CFAP97: variants seen among roughly 807,000 people sequenced by gnomAD.
CFAP97 encodes cilia- and flagella-associated protein 97.
A neutral mutation model predicts 43.1 loss-of-function variants in CFAP97; 36 were observed. That is an observed-to-expected ratio of 0.84 (90% CI 0.64 to 1.10). The LOEUF (loss-of-function observed/expected upper bound fraction) is 1.10. Ranked by LOEUF, CFAP97 falls within the 50% of genes least tolerant of loss-of-function variation. CFAP97 has a pLI of 0.00. For synonymous variants in CFAP97, 228 were observed against 225.7 expected (o/e 1.01, Z -0.09); for missense variants, 657 against 620.3 (o/e 1.06, Z -0.63).
chr4:185,183,912 T>C (rs989263292), intron 2 of CFAP97, among the ~76,000 whole-genome samples: 1 of 152,232 alleles, frequency 6.6e-6, no homozygotes, highest in Non-Finnish European at 1.5e-5. Context: ...CTGTGTTAAA[T>C]GCTTTTTAAC....
chr4:185,192,223 A>G (rs1169080727), intron 1 of CFAP97, among the ~76,000 whole-genome samples: 2 of 152,244 alleles, frequency 1.3e-5, no homozygotes, highest in African/African-American at 4.8e-5. Context: ...GAACTTCTGA[A>G]TATGTAATCA....
upstream of CFAP97, among the ~76,000 whole-genome samples, chr4:185,206,721 A>C (rs1737205928): frequency 6.6e-6 from 1 of 151,966 alleles, no homozygotes; most frequent in Non-Finnish European, 1.5e-5. Flanking sequence ...GAAAGACAGA[A>C]CCAAAAGGAT....
upstream of CFAP97, among the ~76,000 whole-genome samples, chr4:185,204,809 G>T (rs185694257): frequency 8.8e-4 from 134 of 152,344 alleles, 1 homozygote; most frequent in Admixed American, 3.9e-3. Context: ...GCCAAGGAGT[G>T]CAGGTAGAAG....
chr4:185,190,465 G>A lies in CFAP97; in HGVS notation c.732C>T (p.Tyr244=). The change falls in exon 2 of 5, where the codon TAC becomes TAT. Residue 244 remains tyrosine (Y), a synonymous_variant. Transcript: ENST00000458385. ...PSSTTPKCGH[Y]PEESEDTVTD... is the part of the protein sequence containing the mutation. ...TCACAGTATCTTCAGACTCCTCAGG[G>A]TAGTGGCCACATTTTGGTGTAGTAC... 1.2e-6 allele frequency: 2 copies of A among 1,613,860 alleles called. No homozygotes were observed. The highest frequency in any genetic ancestry group is 1.7e-6 in the Non-Finnish European group (2 of 1,179,846).
At chr4:185,209,978 C>T (rs1737476337), upstream of CFAP97, 2 of 983,476 alleles carry the variant, frequency 2.0e-6, no homozygotes, top group African/African-American at 3.5e-5. The surrounding 1 kb of genome is among the most constrained non-coding windows in gnomAD (Gnocchi z 5.2). Context: ...GCGCCGGGGG[C>T]CCCGGGCGGC....
rs150850206 is a variant in CFAP97 at position 185,162,641 on chromosome 4, C to G, written c.*157G>C. On this transcript the variant is annotated 3_prime_UTR_variant, in exon 5 of 5. Transcript: ENST00000458385. Reference sequence around the variant, plus strand: ...CTTTTTACATTAAATCGTTTTTTGACAATAATTTTGCACTGAATAACAATA... The same window carrying G: ...CTTTTTACATTAAATCGTTTTTTGAGAATAATTTTGCACTGAATAACAATA... The G allele has an allele frequency of 1.6e-5, 12 of 748,444 alleles. No homozygotes were observed. In the Admixed American group the frequency reaches 2.5e-4, roughly 16 times the overall value. The allele number at this position is 748,444 out of a possible 1,614,324, so 46.4% of individuals were successfully genotyped here. A position where few individuals can be genotyped will look rare whatever the true frequency, so the allele number is the denominator to read the frequency against.
chr4:185,183,174 A>C (rs1735870461), intron 2 of CFAP97, among the ~76,000 whole-genome samples: 1 of 152,162 alleles, frequency 6.6e-6, no homozygotes. Context: ...TCATTATCTG[A>C]ACTCTCACCT....
chr4:185,185,411 T>C (rs898369065), intron 2 of CFAP97, among the ~76,000 whole-genome samples: 21 of 152,340 alleles, frequency 1.4e-4, no homozygotes, highest in African/African-American at 4.6e-4. Context: ...AATTTTTGCA[T>C]TACAAATATA....
At chr4:185,197,102 TAAA>T (rs60986571) in intron 1 of CFAP97, among the ~76,000 whole-genome samples, 1 of 86,790 alleles carries the variant, frequency 1.2e-5, no homozygotes, top group African/African-American at 4.8e-5. Flanking sequence ...CCCTCTTAAT[TAAA>T]AAAAAAAAAA....
chr4:185,199,818 A>T (rs1336304737), intron 1 of CFAP97, among the ~76,000 whole-genome samples: 1 of 142,006 alleles, frequency 7.0e-6, no homozygotes, highest in African/African-American at 2.6e-5. Flanking sequence ...CACTGTTGAG[A>T]TCGACTGCTC....
chr4:185,178,217 T>C (rs1735631285), intron 2 of CFAP97, among the ~76,000 whole-genome samples: 1 of 150,274 alleles, frequency 6.7e-6, no homozygotes, highest in South Asian at 2.1e-4. Context: ...AATAGTAAGC[T>C]ATTTTCCCCT....
intron 3 of CFAP97, among the ~76,000 whole-genome samples, chr4:185,173,789 C>T (rs931018471): frequency 2.0e-5 from 3 of 152,024 alleles, no homozygotes; most frequent in African/African-American, 4.8e-5. Context: ...GTGATGAAAA[C>T]GTTTTAGAAA....
At chr4:185,210,015 G>T (rs1303856706), upstream of CFAP97, 9 of 983,830 alleles carry the variant, frequency 9.1e-6, no homozygotes, top group Admixed American at 2.5e-4. The surrounding 1 kb of genome is among the most constrained non-coding windows in gnomAD (Gnocchi z 4.4). Context: ...CCGTGGCGGT[G>T]GCCGCACTCG....
intron 1 of CFAP97, among the ~76,000 whole-genome samples, chr4:185,197,668 C>T (rs556416988): frequency 2.0e-5 from 3 of 152,136 alleles, no homozygotes; most frequent in Admixed American, 6.6e-5. Flanking sequence ...CCTCGGGATC[C>T]GCCCGCCTTG....
At chr4:185,184,584 C>T (rs1420123753) in intron 2 of CFAP97, among the ~76,000 whole-genome samples, 2 of 152,202 alleles carry the variant, frequency 1.3e-5, no homozygotes, top group African/African-American at 4.8e-5. Flanking sequence ...ACGAAGCCAA[C>T]ACCAGGGCTG....
rs377195111 is a variant in CFAP97, at chr4:185,191,058, C to A, written c.139G>T (p.Asp47Tyr). ...NDDPKERIDK[D>Y]TKNVNSNTGM... ...GTGTTCGAATTTACATTTTTTGTATCTTTATCTATTCTTTCCTTTGGGTCA... is the reference window on the plus strand; with the variant it reads ...GTGTTCGAATTTACATTTTTTGTATATTTATCTATTCTTTCCTTTGGGTCA... The change falls in exon 2 of 5, where the codon GAT becomes TAT. Residue 47 changes from aspartate to tyrosine, a missense_variant. Transcript: ENST00000458385. The A allele has an allele frequency of 1.9e-6, 3 of 1,613,240 alleles. No homozygotes were observed. Among genetic ancestry groups the A allele is most frequent in the African/African-American group, 2.7e-5 (2 of 74,982 alleles).
In CFAP97 at chr4:185,198,905, A is replaced by T. The variant is rs571822073; in HGVS notation, c.-17+4993T>A. Among the ~76,000 whole-genome samples, 3 of 152,352 alleles carry T rather than the reference A, an allele frequency of 2.0e-5. No homozygotes were observed. The East Asian group carries it at 5.8e-4, about 29-fold the overall frequency. On this transcript the variant is annotated intron_variant, in intron 1 of 4. Transcript: ENST00000458385. The stretch of plus-strand genomic sequence containing the variant: ...ACAATAAACATCAGATTTCCAGTGC[A>T]GACGAAACAGCCTTCCATTGGAAAA...
chr4:185,182,566 A>G (rs768057422), intron 2 of CFAP97: 2 of 152,214 alleles, frequency 1.3e-5, no homozygotes, highest in East Asian at 1.9e-4. Context: ...CTAGCAACCT[A>G]TATCAACAAT....
chr4:185,207,675 A>G (rs1057495007), upstream of CFAP97: 2 of 152,234 alleles, frequency 1.3e-5, no homozygotes, highest in African/African-American at 2.4e-5. Context: ...CACATGGAGT[A>G]ACAACTAAAT....
Sources: allele counts gnomAD v4.1 joint callset (sites outside exome capture counted in the v4.1 genomes callset), GRCh38; gene constraint gnomAD v4.1.1; non-coding constraint Gnocchi (gnomAD v3.1); transcripts MANE v1.5; gene names NCBI Gene and HGNC (gene_info 2026-07-23, HGNC 2026-07-21).